The following DGKB variants were observed in gnomAD, a reference collection of about 807,000 sequenced individuals.
DGKB encodes the protein 90 kDa diacylglycerol kinase.
DGKB carries 67 observed loss-of-function variants against 114.3 expected under a neutral mutation model. The ratio of observed to expected loss-of-function variants is 0.59; its 90% CI spans 0.48 to 0.72. The LOEUF is 0.72. DGKB is among the 30% of genes least tolerant of loss of function. DGKB has a pLI of 0.00. For synonymous variants in DGKB, 398 were observed against 323.1 expected (o/e 1.23, Z -2.49); for missense variants, 907 against 975.2 (o/e 0.93, Z 0.93).
intron 21 of DGKB, among the ~76,000 whole-genome samples, chr7:14,465,390 A>G (rs1833685283): frequency 6.6e-6 from 1 of 152,200 alleles, no homozygotes; most frequent in Admixed American, 6.6e-5. Flanking sequence ...AAGAACAATC[A>G]AGGCAAAATG....
At position 14,401,696 on chromosome 7, in the gene DGKB, T is replaced by C. The variant is rs556369344; in HGVS notation, c.1836-56305A>G. Among the ~76,000 whole-genome samples the C allele has an allele frequency of 1.6e-4, 24 of 151,910 alleles. No homozygotes were observed. The East Asian group carries it at 4.5e-3, about 28-fold the overall frequency. On this transcript the variant is annotated intron_variant, in intron 21 of 25. Transcript: ENST00000402815. ...GCTTGCAATAGGCCCAGTTTTTAAA[T>C]GTTTCAAATAATTGATATAATAGTC... is the stretch of plus-strand genomic sequence containing the variant.
At chr7:14,213,456 C>T (rs928009551) in intron 23 of DGKB, among the ~76,000 whole-genome samples, 1 of 152,126 alleles carries the variant, frequency 6.6e-6, no homozygotes, top group Non-Finnish European at 1.5e-5. Context: ...AGCAAAGCAT[C>T]GTCTGTCATT....
At chr7:14,551,467 G>A (rs538284854) in intron 20 of DGKB, among the ~76,000 whole-genome samples, 3 of 152,186 alleles carry the variant, frequency 2.0e-5, no homozygotes, top group African/African-American at 7.2e-5. Context: ...GTTTCTTCTC[G>A]CAGTGCTGAC....
At chr7:14,661,289 T>G (rs910895039) in intron 13 of DGKB, among the ~76,000 whole-genome samples, 1 of 145,662 alleles carries the variant, frequency 6.9e-6, no homozygotes, top group African/African-American at 2.5e-5. Flanking sequence ...GGGAGAAAAT[T>G]TTCACAACCT....
chr7:14,274,458 C>T (rs1362008201), intron 23 of DGKB, among the ~76,000 whole-genome samples: 2 of 152,050 alleles, frequency 1.3e-5, no homozygotes, highest in South Asian at 4.1e-4. Flanking sequence ...ATAAAAGGCC[C>T]TCCCTGCTTG....
chr7:14,930,093 T>C (rs529800472), intron 1 of DGKB, among the ~76,000 whole-genome samples: 2 of 152,270 alleles, frequency 1.3e-5, no homozygotes, highest in South Asian at 2.1e-4. Flanking sequence ...GTCTATTTTT[T>C]ACACCAGTAC....
intron 1 of DGKB, among the ~76,000 whole-genome samples, chr7:14,882,301 G>C (rs1453897823): frequency 6.6e-6 from 1 of 152,084 alleles, no homozygotes; most frequent in Admixed American, 6.5e-5. Context: ...GTTTATACCA[G>C]AGTCTTGGAT....
At chr7:14,673,143 T>C (rs1819265090) in intron 12 of DGKB, 116 bp from the exon 13 acceptor site, 2 of 614,526 alleles carry the variant, frequency 3.3e-6, no homozygotes, top group Non-Finnish European at 5.7e-6. Context: ...AAAGAAATTA[T>C]AAGAACAAAT....
At chr7:14,695,802 C>T (rs185233967) in intron 8 of DGKB, among the ~76,000 whole-genome samples, 4 of 151,990 alleles carry the variant, frequency 2.6e-5, no homozygotes, top group Admixed American at 2.6e-4. Flanking sequence ...CCACCGAGCC[C>T]GGCCCATTTC....
intron 1 of DGKB, among the ~76,000 whole-genome samples, chr7:14,917,424 A>C (rs1287632857): frequency 1.3e-5 from 2 of 152,122 alleles, no homozygotes; most frequent in Non-Finnish European, 2.9e-5. Flanking sequence ...AATTACTAAC[A>C]TCTGTAGCAA....
At chr7:14,395,744 T>A (rs930008809) in intron 21 of DGKB, among the ~76,000 whole-genome samples, 2 of 151,944 alleles carry the variant, frequency 1.3e-5, no homozygotes, top group African/African-American at 4.8e-5. Context: ...ATTCACATTA[T>A]TTTATCTGAA....
chr7:14,836,476 A>C (rs1484505056), intron 2 of DGKB, among the ~76,000 whole-genome samples: 1 of 152,230 alleles, frequency 6.6e-6, no homozygotes, highest in Non-Finnish European at 1.5e-5. Context: ...AATATCACGT[A>C]GATTTCACAT....
At chr7:14,704,164 G>A (rs904527969) in intron 6 of DGKB, among the ~76,000 whole-genome samples, 5 of 151,770 alleles carry the variant, frequency 3.3e-5, no homozygotes, top group Non-Finnish European at 5.9e-5. Context: ...GGCCGGGCGC[G>A]GTGGCTTATG....
At chr7:14,406,444 C>T (rs1428764087) in intron 21 of DGKB, among the ~76,000 whole-genome samples, 2 of 152,054 alleles carry the variant, frequency 1.3e-5, no homozygotes, top group East Asian at 3.9e-4. Flanking sequence ...CTGCCTGACC[C>T]TGATATAAAG....
At chr7:14,368,569 T>TTCTC (rs1231842100) in intron 21 of DGKB, among the ~76,000 whole-genome samples, 28 of 118,868 alleles carry the variant, frequency 2.4e-4, no homozygotes, top group Non-Finnish European at 3.8e-4. Flanking sequence ...AAACGGTATT[T>TTCTC]TCTCTGTGTG....
intron 21 of DGKB, among the ~76,000 whole-genome samples, chr7:14,357,299 A>G (rs978744575): frequency 3.3e-5 from 5 of 152,122 alleles, no homozygotes; most frequent in Non-Finnish European, 2.9e-5. Context: ...GTGCATATAT[A>G]TTTAGGATAG....
At chr7:14,842,652 C>T (rs1848094258) in intron 1 of DGKB, among the ~76,000 whole-genome samples, 2 of 152,188 alleles carry the variant, frequency 1.3e-5, no homozygotes, top group African/African-American at 4.8e-5. Flanking sequence ...AACTGTCTGT[C>T]TCTCTCTGGT....
At chr7:14,920,868 A>AT (rs5882475) in intron 1 of DGKB, among the ~76,000 whole-genome samples, 38,748 of 151,894 alleles carry the variant, frequency 0.26, 8,131 homozygotes, top group East Asian at 0.81. Flanking sequence ...ACTTACATGT[A>AT]TTTTTCTGAG....
At chr7:14,517,505 G>T (rs1202296876) in intron 20 of DGKB, among the ~76,000 whole-genome samples, 1 of 151,468 alleles carries the variant, frequency 6.6e-6, no homozygotes, top group Non-Finnish European at 1.5e-5. Context: ...CACAGCAAAA[G>T]AAACTATCAA....
Sources: gnomAD v4.1 joint callset for allele counts (sites outside exome capture counted in the v4.1 genomes callset) on GRCh38, gnomAD v4.1.1 for gene constraint, MANE v1.5 for transcripts, NCBI Gene and HGNC (gene_info 2026-07-23, HGNC 2026-07-21) for gene names.